PIEZO2: variants seen among roughly 807,000 people sequenced by gnomAD.
PIEZO2 encodes the protein piezo-type mechanosensitive ion channel component 2.
In PIEZO2, 172 loss-of-function variants were observed where a neutral mutation model predicts 337.3. The ratio of observed to expected loss-of-function variants is 0.51; its 90% confidence interval spans 0.45 to 0.58. The LOEUF (loss-of-function observed/expected upper bound fraction) is 0.58. PIEZO2 is among the 20% of genes least tolerant of loss of function. The pLI is 0.00. For missense variants in PIEZO2, 3,028 were observed against 3,391.3 expected (o/e 0.89, Z 2.66); for synonymous variants, 1,251 against 1,228.5 (o/e 1.02, Z -0.38).
rs1386451931 is a variant in PIEZO2 at position 10,744,153 on chromosome 18, C to T, written c.4503G>A (p.Gln1501=). The change falls in exon 31 of 56, where the codon CAG becomes CAA. Residue 1501 remains glutamine, a synonymous_variant. Transcript: ENST00000674853. ...AATAGCATCCTTACTGTCGCTTCAGCTGGTCCATGGACTTCTTCTCTTCCT... is the reference window on the plus strand; with the variant it reads ...AATAGCATCCTTACTGTCGCTTCAGTTGGTCCATGGACTTCTTCTCTTCCT... ...RIEEEKKSMD[Q]LKRQMDRIKA... 4 of 1,535,502 alleles carry T rather than the reference C, an allele frequency of 2.6e-6. No individual in the cohort carries two copies. The highest frequency in any genetic ancestry group is 3.5e-6 in the Non-Finnish European group (4 of 1,145,550).
intron 18 of PIEZO2, among the ~76,000 whole-genome samples, chr18:10,774,288 G>C (rs1598462222): frequency 6.6e-6 from 1 of 152,198 alleles, no homozygotes; most frequent in South Asian, 2.1e-4. Context: ...AGAGCATACT[G>C]AGACTGCTGA....
rs1046426050 is a variant in PIEZO2 at position 10,929,607 on chromosome 18, T to A, written c.287-18379A>T. On this transcript the variant is annotated intron_variant, in intron 3 of 55. Coordinates refer to ENST00000674853, the MANE Select transcript of PIEZO2 (RefSeq NM_001378183.1). This position sits in a 1 kb window ranked among gnomAD's most constrained non-coding sequence, Gnocchi z 5.6. The stretch of plus-strand genomic sequence containing the variant: ...TATTGGCAAGACTGTGAGAGGAAAA[T>A]GCCTCTACCAACCTCTCGGGTCTCA... Among the ~76,000 whole-genome samples the A allele has an allele frequency of 1.8e-4, 28 of 152,258 alleles. No homozygotes were observed. Among genetic ancestry groups the A allele is most frequent in the African/African-American group, 6.0e-4 (25 of 41,540 alleles).
At chr18:11,075,711 C>G (rs1469202843) in intron 1 of PIEZO2, among the ~76,000 whole-genome samples, 1 of 152,098 alleles carries the variant, frequency 6.6e-6, no homozygotes. Flanking sequence ...TCACGTAGCA[C>G]CTGTGTCAGA....
intron 3 of PIEZO2, among the ~76,000 whole-genome samples, chr18:10,927,234 TTTATTA>T (rs2031797100): frequency 6.6e-6 from 1 of 152,110 alleles, no homozygotes; most frequent in South Asian, 2.1e-4. Context: ...CCTATTTTAT[TTTATTA>T]TTATTATTTT....
At chr18:10,680,970 C>T (rs974114226) in intron 51 of PIEZO2, among the ~76,000 whole-genome samples, 6 of 152,138 alleles carry the variant, frequency 3.9e-5, no homozygotes, top group Non-Finnish European at 8.8e-5. Flanking sequence ...GCTACCAGAA[C>T]ATAATTGTTG....
chr18:11,005,132 C>T (rs575438331), intron 2 of PIEZO2, among the ~76,000 whole-genome samples: 3 of 152,168 alleles, frequency 2.0e-5, no homozygotes, highest in Non-Finnish European at 4.4e-5. Context: ...AAATTCTGTC[C>T]CAAGGGACCT....
intron 4 of PIEZO2, among the ~76,000 whole-genome samples, chr18:10,889,748 G>A (rs2042704132): frequency 6.6e-6 from 1 of 152,188 alleles, no homozygotes; most frequent in Non-Finnish European, 1.5e-5. Context: ...GAGGTGTCAG[G>A]TAGGGTCCCT....
intron 1 of PIEZO2, among the ~76,000 whole-genome samples, chr18:11,081,460 A>G (rs933457092): frequency 3.9e-5 from 6 of 152,226 alleles, no homozygotes; most frequent in African/African-American, 1.4e-4. Context: ...TAACTTCACA[A>G]AAATGGAACT....
chr18:11,092,627 A>G lies in PIEZO2; in HGVS notation c.65-26405T>C, dbSNP rs1341673920. Reference sequence around the variant, plus strand: ...ACCTTAGACACAATTTTACACAACCAAGAATAAATGTAATTGGACAAGGCA... The same window carrying G: ...ACCTTAGACACAATTTTACACAACCGAGAATAAATGTAATTGGACAAGGCA... On this transcript the variant is annotated intron_variant, in intron 1 of 55. Transcript: ENST00000674853. This position sits in a 1 kb window ranked among gnomAD's most constrained non-coding sequence, Gnocchi z 4.5. 1.3e-5 allele frequency among the ~76,000 whole-genome samples: 2 copies of G among 152,232 alleles called. No individual in the cohort carries two copies. The highest frequency in any genetic ancestry group is 1.3e-4 in the Admixed American group (2 of 15,282).
chr18:10,736,509 A>G, intron 34 of PIEZO2, 95 bp downstream of exon 34: 1 of 1,465,686 alleles, frequency 6.8e-7, no homozygotes, highest in Non-Finnish European at 9.0e-7. Flanking sequence ...GCTATGACAT[A>G]TGAATATTAC....
At position 10,720,363 on chromosome 18, in the gene PIEZO2, C is replaced by CTGTG. The variant is rs58927900; in HGVS notation, c.5030-2108_5030-2105dup. ...CTCATATATATGTCCTATATATATTCTGTGTGTGTGTGTGTGTGTGTGTGT... is the reference window on the plus strand; with the variant it reads ...CTCATATATATGTCCTATATATATTCTGTGTGTGTGTGTGTGTGTGTGTGTGTGT... On this transcript the variant is annotated intron_variant, in intron 36 of 55. Coordinates refer to ENST00000674853, the MANE Select transcript of PIEZO2 (RefSeq NM_001378183.1). Among the ~76,000 whole-genome samples, 69 of 56,282 alleles carry CTGTG rather than the reference C, an allele frequency of 1.2e-3. 3 individuals are homozygous for CTGTG. Among genetic ancestry groups the CTGTG allele is most frequent in the Admixed American group, 2.7e-3 (9 of 3,372 alleles). 36.9% of individuals were successfully genotyped at this position (56,282 alleles called of 152,430 possible).
chr18:10,901,945 G>A (rs2043059946), intron 4 of PIEZO2, among the ~76,000 whole-genome samples: 1 of 151,964 alleles, frequency 6.6e-6, no homozygotes, highest in African/African-American at 2.4e-5. Context: ...GCTCTCTCTA[G>A]GGTAGGGGTC....
At chr18:10,749,612 C>A (rs1467609731) in intron 29 of PIEZO2, among the ~76,000 whole-genome samples, 1 of 152,192 alleles carries the variant, frequency 6.6e-6, no homozygotes, top group Non-Finnish European at 1.5e-5. Context: ...AATGACACTT[C>A]TGCCTTTGTC....
At position 10,856,168 on chromosome 18, in the gene PIEZO2, G is replaced by A. The variant is rs953591499; in HGVS notation, c.704-602C>T. On this transcript the variant is annotated intron_variant, in intron 6 of 55. Transcript: ENST00000674853. This position sits in a 1 kb window ranked among gnomAD's most constrained non-coding sequence, Gnocchi z 4.7. ...CCCTCCTTGGCCTTCCAAAGGGCTCGGATTACAGGCATGAGCCACTGCTCC... is the reference window on the plus strand; with the variant it reads ...CCCTCCTTGGCCTTCCAAAGGGCTCAGATTACAGGCATGAGCCACTGCTCC... Among the ~76,000 whole-genome samples the A allele has an allele frequency of 2.6e-5, 4 of 152,130 alleles. No homozygotes were observed. Among genetic ancestry groups the A allele is most frequent in the South Asian group, 2.1e-4 (1 of 4,820 alleles).
chr18:10,979,385 A>G lies in PIEZO2; in HGVS notation c.286+150T>C, dbSNP rs1428152082. The G allele has an allele frequency of 5.6e-6, 4 of 709,308 alleles. No individual in the cohort carries two copies. Among genetic ancestry groups the G allele is most frequent in the African/African-American group, 1.8e-5 (1 of 55,992 alleles). The allele number at this position is 709,308 out of a possible 1,614,324, so 43.9% of individuals were successfully genotyped here. On this transcript the variant is annotated intron_variant, in intron 3 of 55. Coordinates refer to ENST00000674853, the MANE Select transcript of PIEZO2 (RefSeq NM_001378183.1). The surrounding 1 kb of genome is among the most constrained non-coding windows in gnomAD (Gnocchi z 4.0). ...TGGCAAAGCTTCTTTATATATATTTACACTGCATTGCCAAAGACCAAAAAT... is the reference window on the plus strand; with the variant it reads ...TGGCAAAGCTTCTTTATATATATTTGCACTGCATTGCCAAAGACCAAAAAT...
intron 3 of PIEZO2, among the ~76,000 whole-genome samples, chr18:10,944,556 G>GATATATATATAT (rs1203736680): frequency 9.3e-6 from 1 of 107,808 alleles, no homozygotes; most frequent in Non-Finnish European, 1.8e-5. Context: ...CTTAGTAACA[G>GATATATATATAT]ATATATATAT....
At position 11,097,099 on chromosome 18, in the gene PIEZO2, C is replaced by T. The variant is rs1311272867; in HGVS notation, c.65-30877G>A. On this transcript the variant is annotated intron_variant, in intron 1 of 55. Transcript: ENST00000674853. The surrounding 1 kb of genome is among the most constrained non-coding windows in gnomAD (Gnocchi z 5.0). ...GTATACAAGGCAATTTCATCCTCTCCTTGGAAATTGTCCCTGCTCCATTTT... is the reference window on the plus strand; with the variant it reads ...GTATACAAGGCAATTTCATCCTCTCTTTGGAAATTGTCCCTGCTCCATTTT... 6.6e-6 allele frequency among the ~76,000 whole-genome samples: 1 copy of T among 152,172 alleles called. No individual in the cohort carries two copies. Among genetic ancestry groups the T allele is most frequent in the Non-Finnish European group, 1.5e-5 (1 of 68,030 alleles).
At chr18:11,064,052 G>A (rs956022987) in intron 2 of PIEZO2, among the ~76,000 whole-genome samples, 3 of 151,850 alleles carry the variant, frequency 2.0e-5, no homozygotes, top group African/African-American at 4.8e-5. Context: ...GAAAGTCCTC[G>A]CATAAATCTC....
chr18:11,063,530 A>T (rs1179078384), intron 2 of PIEZO2, among the ~76,000 whole-genome samples: 1 of 152,238 alleles, frequency 6.6e-6, no homozygotes, highest in African/African-American at 2.4e-5. Flanking sequence ...CTCTATGGAT[A>T]TACACATTGG....
Sources: gnomAD v4.1 joint callset for allele counts (sites outside exome capture counted in the v4.1 genomes callset) on GRCh38, gnomAD v4.1.1 for gene constraint, Gnocchi (gnomAD v3.1) non-coding constraint, MANE v1.5 for transcripts, NCBI Gene and HGNC (gene_info 2026-07-23, HGNC 2026-07-21) for gene names.